FBXO7: variants seen among roughly 807,000 people sequenced by gnomAD.
FBXO7 encodes the protein F-box protein 7, also known as F-box only protein 7.
A neutral mutation model predicts 50.2 loss-of-function variants in FBXO7; 31 were observed. That is an observed-to-expected ratio of 0.62 (90% confidence interval 0.46 to 0.83). The LOEUF (loss-of-function observed/expected upper bound fraction) is 0.83. FBXO7 is among the 40% of genes least tolerant of loss of function. The pLI is 0.00. For missense variants in FBXO7, 667 were observed against 646.6 expected (o/e 1.03, Z -0.34); for synonymous variants, 256 against 253.1 (o/e 1.01, Z -0.11).
rs1000712471 is a variant in FBXO7 at position 32,474,948 on chromosome 22, C to G, written c.-55C>G. 5.4e-6 allele frequency: 8 copies of G among 1,491,564 alleles called. No homozygotes were observed. The highest frequency in any genetic ancestry group is 1.4e-5 in the African/African-American group (1 of 69,312). The allele number at this position is 1,491,564 out of a possible 1,614,324, so 92.4% of individuals were successfully genotyped here. A position where few individuals can be genotyped will look rare whatever the true frequency, so the allele number is the denominator to read the frequency against. On this transcript the variant is annotated 5_prime_UTR_variant, in exon 1 of 9. Transcript: ENST00000266087. ...TGGGGCGGGAGCTGCTCGGCCCCGC[C>G]GCCGTCCCCGTCGCCGCTTCCGGGT...
At chr22:32,489,262 CT>C (rs1332189452) in intron 5 of FBXO7, 1 of 152,188 alleles carries the variant, frequency 6.6e-6, no homozygotes, top group Non-Finnish European at 1.5e-5. Context: ...TACTGTGACC[CT>C]TTGAAGGATC....
intron 6 of FBXO7, 136 bp from the exon 7 acceptor site, chr22:32,492,969 C>G: frequency 1.2e-6 from 1 of 845,476 alleles, no homozygotes; most frequent in Non-Finnish European, 2.0e-6. Context: ...ATGATGCATA[C>G]TTGGGGATAA....
chr22:32,481,882 C>CT (rs11392505), intron 2 of FBXO7, among the ~76,000 whole-genome samples: 130,197 of 148,426 alleles, frequency 0.88, 57,253 homozygotes, highest in East Asian at 0.99. Context: ...TGGTGCTCAC[C>CT]TTTTTTTTTT....
Position 32,479,177 on chromosome 22 carries a change from G to T in FBXO7, c.319G>T (p.Ala107Ser). 8.7e-6 allele frequency: 14 copies of T among 1,613,980 alleles called. No homozygotes were observed. Among genetic ancestry groups the T allele is most frequent in the African/African-American group, 1.3e-5 (1 of 74,970 alleles). The stretch of plus-strand genomic sequence containing the variant: ...CCAGAATAATGAGCAACCCTCTTTG[G>T]CCACCAGCTCCAATCAGACTAGCAT... Reference protein sequence around the residue: ...SLQNNEQPSLATSSNQTSMQD... With the variant: ...SLQNNEQPSLSTSSNQTSMQD... Residue 107 changes from alanine to serine, a missense_variant, in exon 2 of 9, where the codon GCC becomes TCC. Physicochemically the swap from Ala to Ser is moderately conservative, Grantham distance 99. Coordinates refer to ENST00000266087, the MANE Select transcript of FBXO7 (RefSeq NM_012179.4).
At chr22:32,482,402 C>G (rs2057470404) in intron 2 of FBXO7, among the ~76,000 whole-genome samples, 1 of 152,114 alleles carries the variant, frequency 6.6e-6, no homozygotes, top group African/African-American at 2.4e-5. Flanking sequence ...TTTCCTTTGC[C>G]CCTTCTTTAA....
intron 6 of FBXO7, chr22:32,492,038 G>A (rs2057541052): frequency 6.6e-6 from 1 of 152,026 alleles, no homozygotes; most frequent in Non-Finnish European, 1.5e-5. Context: ...AATTATATAT[G>A]TCACTTCCAC....
At chr22:32,496,189 T>C (rs1180024415) in intron 8 of FBXO7, among the ~76,000 whole-genome samples, 1 of 152,208 alleles carries the variant, frequency 6.6e-6, no homozygotes. Context: ...TTAACAATTA[T>C]GCTAAATCAG....
At chr22:32,494,496 C>G (rs961902553) in intron 7 of FBXO7, among the ~76,000 whole-genome samples, 1 of 152,024 alleles carries the variant, frequency 6.6e-6, no homozygotes, top group Non-Finnish European at 1.5e-5. Context: ...CATGCGCCCC[C>G]ACACCTGGCC....
At chr22:32,485,613 C>T (rs9609570) in intron 4 of FBXO7, among the ~76,000 whole-genome samples, 24,438 of 152,116 alleles carry the variant, frequency 0.16, 2,382 homozygotes, top group Non-Finnish European at 0.21. Context: ...TGAACTGAGA[C>T]ATGGGGAGCT....
chr22:32,475,206 G>A, intron 1 of FBXO7, 82 bp downstream of exon 1: 1 of 1,511,924 alleles, frequency 6.6e-7, no homozygotes, highest in Non-Finnish European at 8.8e-7. Flanking sequence ...CGTCATCTGT[G>A]GGCTGCAGGC....
At chr22:32,478,494 GTGGAGAGT>G (rs1381946390) in intron 1 of FBXO7, among the ~76,000 whole-genome samples, 14 of 152,198 alleles carry the variant, frequency 9.2e-5, no homozygotes, top group Non-Finnish European at 1.8e-4. Flanking sequence ...CGTCCCCCAG[GTGGAGAGT>G]TTTAGCCATT....
At position 32,483,861 on chromosome 22, in the gene FBXO7, C is replaced by T. The variant is rs532597496; in HGVS notation, c.418-36C>T. ...AAAAATGTATAGTGTAAAAATAAGTCTTTAATTAATTCATTGTTTTGTTTT... is the reference window on the plus strand; with the variant it reads ...AAAAATGTATAGTGTAAAAATAAGTTTTTAATTAATTCATTGTTTTGTTTT... On this transcript the variant is annotated intron_variant, in intron 2 of 8. Coordinates refer to ENST00000266087, the MANE Select transcript of FBXO7 (RefSeq NM_012179.4). The T allele has an allele frequency of 2.5e-6, 4 of 1,579,232 alleles. No individual in the cohort carries two copies. The African/African-American group carries it at 5.4e-5, about 21-fold the overall frequency.
intron 2 of FBXO7, among the ~76,000 whole-genome samples, chr22:32,481,472 T>A (rs1427591022): frequency 6.6e-6 from 1 of 152,208 alleles, no homozygotes; most frequent in Non-Finnish European, 1.5e-5. Context: ...GAGAAATTAA[T>A]GTTGCCTGAA....
chr22:32,488,494 C>G (rs2057513601), intron 5 of FBXO7: 1 of 152,384 alleles, frequency 6.6e-6, no homozygotes, highest in Non-Finnish European at 1.5e-5. Flanking sequence ...TTTTAAGTGC[C>G]TGTTTCATTC....
chr22:32,494,694 C>T (rs1454968955), intron 7 of FBXO7, among the ~76,000 whole-genome samples: 1 of 151,872 alleles, frequency 6.6e-6, no homozygotes, highest in African/African-American at 2.4e-5. Context: ...AACAAATACC[C>T]TTTCACTTGT....
Position 32,474,892 on chromosome 22 carries a change from C to CGGTAGTCGCCAGTCCGG in FBXO7, c.-107_-91dup, listed in dbSNP as rs1255700676. On this transcript the variant is annotated 5_prime_UTR_variant, in exon 1 of 9. Coordinates refer to ENST00000266087, the MANE Select transcript of FBXO7 (RefSeq NM_012179.4). ...TTTCGCCTCAGCTACCCCTCAGCTC[C>CGGTAGTCGCCAGTCCGG]GGTAGTCGCCAGTCCGGGGTCGTCG... The CGGTAGTCGCCAGTCCGG allele has an allele frequency of 6.5e-5, 71 of 1,093,768 alleles. No individual in the cohort carries two copies. The highest frequency in any genetic ancestry group is 8.5e-5 in the Non-Finnish European group (67 of 790,764). The allele number at this position is 1,093,768 out of a possible 1,614,324, so 67.8% of individuals were successfully genotyped here.
intron 6 of FBXO7, chr22:32,492,856 A>T: frequency 1.9e-6 from 1 of 534,244 alleles, no homozygotes; most frequent in Non-Finnish European, 3.3e-6. Context: ...GATTTATATT[A>T]AAAAGCATTT....
chr22:32,476,272 C>T (rs923463532), intron 1 of FBXO7, among the ~76,000 whole-genome samples: 3 of 151,986 alleles, frequency 2.0e-5, no homozygotes, highest in African/African-American at 7.2e-5. Flanking sequence ...GACATGCCTA[C>T]TGTTATTTCT....
At chr22:32,496,250 G>A (rs1197321274) in intron 8 of FBXO7, among the ~76,000 whole-genome samples, 1 of 152,196 alleles carries the variant, frequency 6.6e-6, no homozygotes, top group Non-Finnish European at 1.5e-5. Context: ...GGAGGCCGAA[G>A]TGGGCGGATC....
Sources: allele counts gnomAD v4.1 joint callset (sites outside exome capture counted in the v4.1 genomes callset), GRCh38; gene constraint gnomAD v4.1.1; transcripts MANE v1.5; gene names NCBI Gene and HGNC (gene_info 2026-07-23, HGNC 2026-07-21).